The following ATF2 variants were observed in gnomAD, a reference collection of about 807,000 sequenced individuals.
ATF2 encodes activating transcription factor 2.
Under a neutral mutation model 60.6 loss-of-function variants are expected in ATF2, and 24 were observed. That is an observed-to-expected ratio of 0.40 (90% CI 0.29 to 0.56). The LOEUF is 0.56. Among genes scored for constraint, ATF2 ranks in the 20% least tolerant of loss-of-function variants. ATF2 has a pLI of 0.54. For synonymous variants in ATF2, 206 were observed against 215.4 expected, an observed-to-expected ratio of 0.96 and a Z score of 0.38; for missense variants, 433 against 607.7, an observed-to-expected ratio of 0.71 and a Z score of 3.02.
intron 1 of ATF2, among the ~76,000 whole-genome samples, chr2:175,167,105 A>AC (rs892861575): frequency 2.0e-5 from 3 of 152,110 alleles, no homozygotes; most frequent in Admixed American, 1.3e-4. Flanking sequence ...TCTTGGCCTC[A>AC]CCAGTTTTAA....
intron 9 of ATF2, 130 bp from the exon 10 acceptor site, chr2:175,111,784 T>A (rs970616702): frequency 4.0e-6 from 3 of 743,498 alleles, no homozygotes; most frequent in Non-Finnish European, 6.3e-6. Flanking sequence ...GCTGATTTTA[T>A]CTCTATACCA....
intron 8 of ATF2, 35 bp from the exon 9 acceptor site, chr2:175,114,143 G>C (rs1574403865): frequency 1.3e-6 from 2 of 1,541,012 alleles, no homozygotes; most frequent in African/African-American, 1.4e-5. Flanking sequence ...TTTTAAAAAA[G>C]AGATTCATAC....
In ATF2 at chr2:175,146,810, G is replaced by C. The variant is rs919857976; in HGVS notation, c.-44+4250C>G. Among the ~76,000 whole-genome samples, 10 of 152,024 alleles carry C rather than the reference G, an allele frequency of 6.6e-5. No homozygotes were observed. The South Asian group carries it at 2.1e-3, about 32-fold the overall frequency. ...TCATTACTACATAGGAAAAAAAATAGCATGTATAGGGCTCAGTACTATCTA... is the reference window on the plus strand; with the variant it reads ...TCATTACTACATAGGAAAAAAAATACCATGTATAGGGCTCAGTACTATCTA... On this transcript the variant is annotated intron_variant, in intron 2 of 13. Coordinates refer to ENST00000264110, the MANE Select transcript of ATF2 (RefSeq NM_001880.4).
chr2:175,109,393 G>A (rs1185747544), intron 10 of ATF2, among the ~76,000 whole-genome samples: 1 of 152,088 alleles, frequency 6.6e-6, no homozygotes, highest in Non-Finnish European at 1.5e-5. Flanking sequence ...GTATAAAGTG[G>A]CTATTTATAT....
chr2:175,166,589 T>C (rs1185683118), intron 1 of ATF2, among the ~76,000 whole-genome samples: 4 of 152,232 alleles, frequency 2.6e-5, no homozygotes, highest in African/African-American at 9.6e-5. Context: ...ACTGCTTCTG[T>C]GTTTGTACTT....
At chr2:175,140,254 C>T (rs1049086104) in intron 2 of ATF2, among the ~76,000 whole-genome samples, 2 of 152,104 alleles carry the variant, frequency 1.3e-5, no homozygotes, top group African/African-American at 4.8e-5. Flanking sequence ...TGGATTTGCT[C>T]TTCTTTTACT....
rs559535146 is a variant in ATF2, at chr2:175,135,629, G to A, written c.32+783C>T. On this transcript the variant is annotated intron_variant, in intron 3 of 13. Coordinates refer to ENST00000264110, the MANE Select transcript of ATF2 (RefSeq NM_001880.4). ...GGAGATGAAAAGAAGAGCAAAGGAA[G>A]AGGGTTGCTGTTTTCCATTAGAAGA... is the stretch of plus-strand genomic sequence containing the variant. 1.3e-3 allele frequency among the ~76,000 whole-genome samples: 194 copies of A among 152,292 alleles called. 1 individual carries two copies. Among genetic ancestry groups the A allele is most frequent in the Admixed American group, 3.3e-3 (51 of 15,300 alleles).
At position 175,140,540 on chromosome 2, in the gene ATF2, A is replaced by G. The variant is rs532968677; in HGVS notation, c.-43-4054T>C. ...GCATGAGAAAACTTTTGAGGGTGAC[A>G]AATTTATCATCTTGATTGTGGTGAT... On this transcript the variant is annotated intron_variant, in intron 2 of 13. Coordinates refer to ENST00000264110, the MANE Select transcript of ATF2 (RefSeq NM_001880.4). Among the ~76,000 whole-genome samples, 16 of 152,306 alleles carry G rather than the reference A, an allele frequency of 1.1e-4. 1 individual carries two copies. Among genetic ancestry groups the G allele is most frequent in the African/African-American group, 3.6e-4 (15 of 41,556 alleles).
chr2:175,158,944 A>G (rs1699851116), intron 1 of ATF2, among the ~76,000 whole-genome samples: 1 of 152,218 alleles, frequency 6.6e-6, no homozygotes, highest in South Asian at 2.1e-4. Context: ...CATTTTTCTA[A>G]TGCCTAATAA....
At chr2:175,144,299 A>G (rs747328028) in intron 2 of ATF2, among the ~76,000 whole-genome samples, 1 of 152,202 alleles carries the variant, frequency 6.6e-6, no homozygotes, top group Non-Finnish European at 1.5e-5. Context: ...TGGGACAAAA[A>G]TATTTCTCCT....
chr2:175,079,527 A>G (rs539735778), intron 13 of ATF2, among the ~76,000 whole-genome samples: 35 of 152,240 alleles, frequency 2.3e-4, no homozygotes, highest in African/African-American at 4.6e-4. Flanking sequence ...TCCTGTCAAA[A>G]TTACTAGATA....
At chr2:175,135,674 C>G (rs1698090615) in intron 3 of ATF2, among the ~76,000 whole-genome samples, 1 of 152,088 alleles carries the variant, frequency 6.6e-6, no homozygotes, top group Non-Finnish European at 1.5e-5. Context: ...AACATACAAC[C>G]AAATTAAGGA....
chr2:175,094,035 G>T (rs1694733139), intron 11 of ATF2, among the ~76,000 whole-genome samples: 1 of 152,074 alleles, frequency 6.6e-6, no homozygotes, highest in Non-Finnish European at 1.5e-5. Flanking sequence ...AAAACAATAG[G>T]TATCTTCAAG....
chr2:175,085,997 A>G (rs1269475533), intron 12 of ATF2, among the ~76,000 whole-genome samples: 1 of 152,222 alleles, frequency 6.6e-6, no homozygotes, highest in Non-Finnish European at 1.5e-5. Context: ...ATAATATACA[A>G]GCATGCTGTA....
At chr2:175,142,787 G>T (rs1698665483) in intron 2 of ATF2, among the ~76,000 whole-genome samples, 1 of 147,678 alleles carries the variant, frequency 6.8e-6, no homozygotes, top group African/African-American at 2.5e-5. Context: ...CCCTAAAGCT[G>T]CAGAGAGAAA....
At chr2:175,152,356 A>T (rs1251176329) in intron 1 of ATF2, among the ~76,000 whole-genome samples, 2 of 152,312 alleles carry the variant, frequency 1.3e-5, no homozygotes, top group Non-Finnish European at 2.9e-5. Context: ...AACAACCTAA[A>T]TTGTTGTAGT....
chr2:175,085,798 T>C (rs866302732), intron 12 of ATF2, among the ~76,000 whole-genome samples: 5 of 152,322 alleles, frequency 3.3e-5, no homozygotes, highest in Middle Eastern at 6.8e-3. Flanking sequence ...AGTACTTGAT[T>C]CTTGCTACAA....
At chr2:175,129,545 G>C (rs959269021) in intron 4 of ATF2, among the ~76,000 whole-genome samples, 26 of 151,996 alleles carry the variant, frequency 1.7e-4, no homozygotes, top group Admixed American at 8.5e-4. Context: ...TAAGTACTTT[G>C]TAACTTTGCT....
intron 1 of ATF2, among the ~76,000 whole-genome samples, chr2:175,165,098 C>T (rs1290167692): frequency 1.3e-5 from 2 of 151,580 alleles, no homozygotes; most frequent in East Asian, 3.9e-4. Flanking sequence ...GCTGGGATTA[C>T]AGGCGTGAGC....
Sources: gnomAD v4.1 joint callset for allele counts (sites outside exome capture counted in the v4.1 genomes callset) on GRCh38, gnomAD v4.1.1 for gene constraint, MANE v1.5 for transcripts, NCBI Gene and HGNC (gene_info 2026-07-23, HGNC 2026-07-21) for gene names.